The following NRG3 variants were observed in gnomAD, a reference collection of about 807,000 sequenced individuals.
NRG3 encodes neuregulin 3, also known as pro-neuregulin-3, membrane-bound isoform.
A neutral mutation model predicts 66.9 loss-of-function variants in NRG3; 31 were observed. That is an observed-to-expected ratio of 0.46 (90% CI 0.35 to 0.63). The LOEUF is 0.63. Ranked by LOEUF, NRG3 falls within the 20% of genes least tolerant of loss-of-function variation. The pLI is 0.00. For synonymous variants in NRG3, 393 were observed against 359.4 expected (o/e 1.09, Z -1.06); for missense variants, 910 against 878.9 (o/e 1.04, Z -0.45).
chr10:82,108,237 C>A (rs911181342), intron 1 of NRG3, among the ~76,000 whole-genome samples: 1 of 152,152 alleles, frequency 6.6e-6, no homozygotes, highest in African/African-American at 2.4e-5. Flanking sequence ...GTCTTCATCC[C>A]ATGATATTTC....
intron 4 of NRG3, among the ~76,000 whole-genome samples, chr10:82,876,844 T>G (rs948072216): frequency 6.6e-6 from 1 of 151,836 alleles, no homozygotes; most frequent in African/African-American, 2.4e-5. Flanking sequence ...CCAAGATGGA[T>G]GAAACCCCGT....
At chr10:82,599,126 T>C (rs914904491) in intron 2 of NRG3, among the ~76,000 whole-genome samples, 2 of 152,052 alleles carry the variant, frequency 1.3e-5, no homozygotes, top group African/African-American at 4.8e-5. Flanking sequence ...GTGAGTATAA[T>C]CAAATTAGTC....
intron 1 of NRG3, among the ~76,000 whole-genome samples, chr10:82,256,352 G>T (rs751573706): frequency 6.6e-6 from 1 of 152,134 alleles, no homozygotes; most frequent in Non-Finnish European, 1.5e-5. Context: ...TGCCTTTGTT[G>T]TTGCTTTCAA....
intron 2 of NRG3, among the ~76,000 whole-genome samples, chr10:82,443,772 GC>G: frequency 6.6e-6 from 1 of 152,136 alleles, no homozygotes; most frequent in Non-Finnish European, 1.5e-5. Context: ...TAAAGAAGAG[GC>G]AATATCTGTG....
intron 2 of NRG3, among the ~76,000 whole-genome samples, chr10:82,591,275 C>G (rs1226628397): frequency 2.0e-5 from 3 of 152,126 alleles, no homozygotes; most frequent in Non-Finnish European, 4.4e-5. Flanking sequence ...AGAAACAGTA[C>G]TTTTTGAAGG....
chr10:82,734,972 A>T (rs556350920), intron 2 of NRG3, among the ~76,000 whole-genome samples: 2 of 150,118 alleles, frequency 1.3e-5, no homozygotes, highest in Non-Finnish European at 3.0e-5. Context: ...TAGCCACTGC[A>T]TGCCAGCCTG....
intron 1 of NRG3, among the ~76,000 whole-genome samples, chr10:82,215,669 T>G (rs1451828084): frequency 6.8e-6 from 1 of 146,998 alleles, no homozygotes; most frequent in East Asian, 2.1e-4. Flanking sequence ...CATCCCAACT[T>G]GTATCACACA....
intron 1 of NRG3, among the ~76,000 whole-genome samples, chr10:82,355,204 G>A (rs2083697968): frequency 1.3e-5 from 2 of 152,202 alleles, no homozygotes; most frequent in African/African-American, 4.8e-5. Context: ...CACCAAGGTT[G>A]TTTAGGATCA....
At chr10:82,591,358 A>G (rs1334633566) in intron 2 of NRG3, among the ~76,000 whole-genome samples, 15 of 152,236 alleles carry the variant, frequency 9.9e-5, no homozygotes, top group Non-Finnish European at 2.9e-5. Flanking sequence ...TACTAATGCA[A>G]CTGTGCGGTT....
intron 1 of NRG3, among the ~76,000 whole-genome samples, chr10:81,882,516 G>C (rs901616649): frequency 6.6e-6 from 1 of 152,060 alleles, no homozygotes; most frequent in African/African-American, 2.4e-5. Flanking sequence ...GCAACCTTTA[G>C]GAACTGATAC....
At chr10:82,440,898 T>G (rs146254416) in intron 2 of NRG3, among the ~76,000 whole-genome samples, 53 of 152,362 alleles carry the variant, frequency 3.5e-4, no homozygotes, top group Admixed American at 1.0e-3. Context: ...AGTTTTATTG[T>G]TTACTGTGGT....
At chr10:82,186,053 C>CT (rs2073786544) in intron 1 of NRG3, among the ~76,000 whole-genome samples, 1 of 152,106 alleles carries the variant, frequency 6.6e-6, no homozygotes, top group African/African-American at 2.4e-5. Context: ...CATTTCATGT[C>CT]TAAGTGTCTG....
chr10:82,241,637 G>A (rs563926304), intron 1 of NRG3, among the ~76,000 whole-genome samples: 5 of 152,110 alleles, frequency 3.3e-5, no homozygotes, highest in Non-Finnish European at 7.4e-5. Flanking sequence ...TAAAATAATT[G>A]GCCTTTATTT....
chr10:82,647,258 G>A (rs2051015908), intron 2 of NRG3, among the ~76,000 whole-genome samples: 1 of 151,934 alleles, frequency 6.6e-6, no homozygotes, highest in Admixed American at 6.6e-5. Context: ...TGCGGTGTTT[G>A]GTTTTTTGTT....
In NRG3 at chr10:82,212,466, C is replaced by T. The variant is rs1030810590; in HGVS notation, c.824-146273C>T. Among the ~76,000 whole-genome samples, 5 of 152,174 alleles carry T rather than the reference C, an allele frequency of 3.3e-5. No individual in the cohort carries two copies. The East Asian group carries it at 5.8e-4, about 18-fold the overall frequency. ...TGTTTTACAATTTACAAAGTGCTTTCGCATAAGTTAACTGTTTATGTGATT... is the reference window on the plus strand; with the variant it reads ...TGTTTTACAATTTACAAAGTGCTTTTGCATAAGTTAACTGTTTATGTGATT... On this transcript the variant is annotated intron_variant, in intron 1 of 8. Coordinates refer to ENST00000372141, the MANE Select transcript of NRG3 (RefSeq NM_001010848.4).
chr10:82,721,676 G>C (rs1301191547), intron 2 of NRG3, among the ~76,000 whole-genome samples: 3 of 152,038 alleles, frequency 2.0e-5, no homozygotes, highest in Non-Finnish European at 4.4e-5. Flanking sequence ...GCCCATCTCA[G>C]CCTCCCAAAA....
chr10:82,235,864 C>T (rs572463563), intron 1 of NRG3, among the ~76,000 whole-genome samples: 12 of 152,182 alleles, frequency 7.9e-5, no homozygotes, highest in South Asian at 6.2e-4. Context: ...TGAATGAGTC[C>T]GCATTATGCC....
intron 3 of NRG3, among the ~76,000 whole-genome samples, chr10:82,742,471 C>A (rs1284043811): frequency 1.3e-5 from 2 of 152,034 alleles, no homozygotes; most frequent in Non-Finnish European, 2.9e-5. Context: ...TAAAGTGTGT[C>A]AGTGACAGTT....
intron 1 of NRG3, among the ~76,000 whole-genome samples, chr10:82,292,836 C>T (rs1464458325): frequency 6.6e-6 from 1 of 152,044 alleles, no homozygotes; most frequent in Non-Finnish European, 1.5e-5. Flanking sequence ...AGGGTTTAGG[C>T]AAGAGTTCAG....
Sources: allele counts gnomAD v4.1 joint callset (sites outside exome capture counted in the v4.1 genomes callset), GRCh38; gene constraint gnomAD v4.1.1; transcripts MANE v1.5; gene names NCBI Gene and HGNC (gene_info 2026-07-23, HGNC 2026-07-21).